NME7: variants seen among roughly 807,000 people sequenced by gnomAD.
NME7 encodes nucleoside diphosphate kinase 7.
NME7 carries 41 observed loss-of-function variants against 49.1 expected under a neutral mutation model. The observed-to-expected ratio is 0.83, with a 90% CI of 0.65 to 1.08. The LOEUF is 1.08. Among genes scored for constraint, NME7 ranks in the 50% least tolerant of loss-of-function variants. The pLI is 0.00. For synonymous variants in NME7, 139 were observed against 150.6 expected, an observed-to-expected ratio of 0.92 and a Z score of 0.56; for missense variants, 423 against 463.4, an observed-to-expected ratio of 0.91 and a Z score of 0.80.
At chr1:169,282,415 A>AT (rs1220743714) in intron 7 of NME7, among the ~76,000 whole-genome samples, 2 of 151,910 alleles carry the variant, frequency 1.3e-5, no homozygotes, top group Non-Finnish European at 2.9e-5. Context: ...GGATTCATTG[A>AT]TTTTTTGAAG....
chr1:169,192,187 T>C (rs979272817), intron 10 of NME7, among the ~76,000 whole-genome samples: 3 of 152,158 alleles, frequency 2.0e-5, no homozygotes, highest in Non-Finnish European at 2.9e-5. Flanking sequence ...GTGAGAGGTG[T>C]AGACAATTAA....
chr1:169,286,485 A>G (rs1650279216), intron 7 of NME7: 1 of 152,122 alleles, frequency 6.6e-6, no homozygotes. Context: ...ATACCAGACT[A>G]AAATAAATAA....
chr1:169,287,257 G>T, intron 7 of NME7, 46 bp downstream of exon 7: 2 of 1,327,928 alleles, frequency 1.5e-6, no homozygotes, highest in Non-Finnish European at 2.1e-6. Flanking sequence ...AATAAACATT[G>T]CTCTCCTATT....
chr1:169,240,496 A>G (rs982615087), intron 7 of NME7, among the ~76,000 whole-genome samples: 1 of 152,026 alleles, frequency 6.6e-6, no homozygotes, highest in African/African-American at 2.4e-5. Context: ...CCTTTACTTG[A>G]TAAGTGGTAG....
intron 3 of NME7, among the ~76,000 whole-genome samples, chr1:169,315,985 T>G (rs1351533490): frequency 6.6e-6 from 1 of 151,882 alleles, no homozygotes; most frequent in Non-Finnish European, 1.5e-5. Context: ...AACTTAGAAT[T>G]GTGTGTCTAG....
chr1:169,176,491 A>G (rs1659753977), intron 10 of NME7, among the ~76,000 whole-genome samples: 1 of 152,178 alleles, frequency 6.6e-6, no homozygotes, highest in South Asian at 2.1e-4. Context: ...GATAAAAAAT[A>G]GCTGTAATGT....
intron 11 of NME7, among the ~76,000 whole-genome samples, chr1:169,157,992 AT>A (rs1346547501): frequency 2.6e-5 from 4 of 152,148 alleles, no homozygotes; most frequent in Non-Finnish European, 2.9e-5. Context: ...ATTTTCTCCC[AT>A]TCGATAGGTT....
intron 10 of NME7, among the ~76,000 whole-genome samples, chr1:169,178,159 G>A (rs1230154099): frequency 6.6e-6 from 1 of 151,984 alleles, no homozygotes; most frequent in Non-Finnish European, 1.5e-5. Context: ...CTTAATAATT[G>A]CCTTACAAAT....
intron 1 of NME7, among the ~76,000 whole-genome samples, chr1:169,331,138 T>C (rs1443620951): frequency 6.6e-6 from 1 of 152,208 alleles, no homozygotes; most frequent in Non-Finnish European, 1.5e-5. Flanking sequence ...GATATATCCC[T>C]GGGATGCAAG....
rs1476811226 is a variant in NME7 at position 169,205,481 on chromosome 1, ATCCATATTTATGGAATAT to A, written c.990+25219_990+25236del. 4.6e-5 allele frequency among the ~76,000 whole-genome samples: 7 copies of A among 152,114 alleles called. No homozygotes were observed. In the East Asian group the frequency reaches 1.2e-3, roughly 25 times the overall value. On this transcript the variant is annotated intron_variant, in intron 10 of 11. Coordinates refer to ENST00000367811, the MANE Select transcript of NME7 (RefSeq NM_013330.5). ...CTAGGCTCTGAGAAAAGTAAGAAAAATCCATATTTATGGAATATTCTAAGAAGTTTGCCCATATTAGCT... is the reference window on the plus strand; with the variant it reads ...CTAGGCTCTGAGAAAAGTAAGAAAAATCTAAGAAGTTTGCCCATATTAGCT...
chr1:169,227,210 C>T (rs1647381102), intron 10 of NME7, among the ~76,000 whole-genome samples: 1 of 152,150 alleles, frequency 6.6e-6, no homozygotes, highest in Admixed American at 6.5e-5. Flanking sequence ...CCCGAATGAC[C>T]CCATCCTTTA....
At chr1:169,339,679 G>A (rs574676127) in intron 1 of NME7, among the ~76,000 whole-genome samples, 6 of 152,220 alleles carry the variant, frequency 3.9e-5, no homozygotes, top group African/African-American at 1.4e-4. Context: ...TTTTCCATTT[G>A]TCATTTTCCA....
At chr1:169,336,852 T>G (rs530410181) in intron 1 of NME7, among the ~76,000 whole-genome samples, 6 of 151,810 alleles carry the variant, frequency 4.0e-5, no homozygotes, top group African/African-American at 1.5e-4. Context: ...AGAGTGTCGA[T>G]TGGTGCACTC....
intron 6 of NME7, among the ~76,000 whole-genome samples, chr1:169,295,900 T>C (rs1650688514): frequency 6.6e-6 from 1 of 152,196 alleles, no homozygotes; most frequent in Non-Finnish European, 1.5e-5. Flanking sequence ...AATCAGCATC[T>C]GTGTTCACAT....
intron 11 of NME7, among the ~76,000 whole-genome samples, chr1:169,161,397 C>A (rs1476449708): frequency 6.6e-6 from 1 of 152,142 alleles, no homozygotes; most frequent in Admixed American, 6.5e-5. Flanking sequence ...TGTGCAGAGG[C>A]CTGCGTTAAT....
At chr1:169,216,471 A>C (rs1329608974) in intron 10 of NME7, among the ~76,000 whole-genome samples, 1 of 152,244 alleles carries the variant, frequency 6.6e-6, no homozygotes, top group Non-Finnish European at 1.5e-5. Flanking sequence ...GACAGCATGG[A>C]AACTCCACAC....
intron 1 of NME7, among the ~76,000 whole-genome samples, chr1:169,356,410 G>T (rs1048151586): frequency 2.0e-5 from 3 of 152,060 alleles, no homozygotes; most frequent in Non-Finnish European, 4.4e-5. Context: ...CTCTGATGAG[G>T]TGTCATTTGA....
intron 11 of NME7, among the ~76,000 whole-genome samples, chr1:169,159,296 G>A (rs976961245): frequency 2.0e-5 from 3 of 152,214 alleles, no homozygotes; most frequent in East Asian, 1.9e-4. Context: ...AGATGATGAC[G>A]GTACCAAGGA....
intron 10 of NME7, among the ~76,000 whole-genome samples, chr1:169,194,930 T>C (rs1167378723): frequency 6.6e-6 from 1 of 152,150 alleles, no homozygotes; most frequent in Non-Finnish European, 1.5e-5. Context: ...TCTTTTGAGG[T>C]TGGTGTTTAG....
Sources: gnomAD v4.1 joint callset for allele counts (sites outside exome capture counted in the v4.1 genomes callset) on GRCh38, gnomAD v4.1.1 for gene constraint, MANE v1.5 for transcripts, NCBI Gene and HGNC (gene_info 2026-07-23, HGNC 2026-07-21) for gene names.